Variants in MMRN1 observed in about 807,000 individuals in gnomAD.
MMRN1 encodes multimerin 1.
In MMRN1, 94 loss-of-function variants were observed where a neutral mutation model predicts 100.7. That is an observed-to-expected ratio of 0.93 (90% confidence interval 0.79 to 1.11). The LOEUF (loss-of-function observed/expected upper bound fraction) is 1.11. Among genes scored for constraint, MMRN1 ranks in the 50% least tolerant of loss-of-function variants. The pLI is 0.00. For synonymous variants in MMRN1, 575 were observed against 505.0 expected, an observed-to-expected ratio of 1.14 and a Z score of -1.86; for missense variants, 1,606 against 1,439.1, an observed-to-expected ratio of 1.12 and a Z score of -1.88.
At chr4:89,926,122 CCTTT>C (rs1289697350) in intron 4 of MMRN1, among the ~76,000 whole-genome samples, 1 of 152,056 alleles carries the variant, frequency 6.6e-6, no homozygotes, top group Admixed American at 6.6e-5. Context: ...ATACAGATTT[CCTTT>C]CTTTTGTGTG....
intron 6 of MMRN1, among the ~76,000 whole-genome samples, chr4:89,938,255 T>C (rs1722709031): frequency 1.3e-5 from 2 of 151,694 alleles, no homozygotes; most frequent in South Asian, 2.1e-4. Context: ...ATTTTACTTC[T>C]GTAGGAACAT....
At chr4:89,890,069 G>C (rs983612883), upstream of MMRN1, among the ~76,000 whole-genome samples, 2 of 151,864 alleles carry the variant, frequency 1.3e-5, no homozygotes, top group Non-Finnish European at 2.9e-5. Context: ...ACTCAGGCGA[G>C]GCTTCTTGAT....
chr4:89,945,698 T>C (rs1722966434), intron 6 of MMRN1, among the ~76,000 whole-genome samples: 1 of 152,166 alleles, frequency 6.6e-6, no homozygotes, highest in Admixed American at 6.5e-5. Flanking sequence ...TTTAATTTCC[T>C]AGGTCACAGC....
At chr4:89,926,856 C>T (rs959497000) in intron 4 of MMRN1, among the ~76,000 whole-genome samples, 1 of 152,086 alleles carries the variant, frequency 6.6e-6, no homozygotes, top group African/African-American at 2.4e-5. Flanking sequence ...TATGGACATC[C>T]AATTTCCCCA....
intron 1 of MMRN1, among the ~76,000 whole-genome samples, chr4:89,883,911 T>G (rs1252268144): frequency 6.6e-6 from 1 of 152,082 alleles, no homozygotes; most frequent in Non-Finnish European, 1.5e-5. Flanking sequence ...TCAAATTAAT[T>G]TTTGGATTTG....
chr4:89,923,296 T>C (rs1282329139), intron 4 of MMRN1, 24 bp downstream of exon 4: 1 of 1,580,252 alleles, frequency 6.3e-7, no homozygotes, highest in Non-Finnish European at 8.7e-7. Context: ...ATTACTATCA[T>C]CTCTGACCCA....
intron 4 of MMRN1, among the ~76,000 whole-genome samples, chr4:89,924,695 T>A (rs1296369414): frequency 6.6e-6 from 1 of 151,714 alleles, no homozygotes; most frequent in Non-Finnish European, 1.5e-5. Context: ...TAAAAAAAAA[T>A]TAGTCTAACG....
intron 1 of MMRN1, among the ~76,000 whole-genome samples, chr4:89,897,009 A>G (rs1402899383): frequency 6.6e-6 from 1 of 152,138 alleles, no homozygotes; most frequent in Non-Finnish European, 1.5e-5. Flanking sequence ...AATCTTTCTC[A>G]CTTTGGGGGA....
chr4:89,947,948 G>A (rs1456184761), intron 6 of MMRN1, among the ~76,000 whole-genome samples: 1 of 152,128 alleles, frequency 6.6e-6, no homozygotes, highest in Non-Finnish European at 1.5e-5. Flanking sequence ...CGCCTCCTGG[G>A]TTCAAGTAAT....
chr4:89,951,960 T>C (rs961430926), intron 7 of MMRN1, among the ~76,000 whole-genome samples: 9 of 152,202 alleles, frequency 5.9e-5, no homozygotes, highest in Non-Finnish European at 8.8e-5. Context: ...CATGCACCTG[T>C]TGAAATTTTC....
intron 6 of MMRN1, among the ~76,000 whole-genome samples, chr4:89,951,044 G>A (rs1040271357): frequency 6.6e-6 from 1 of 151,892 alleles, no homozygotes; most frequent in Non-Finnish European, 1.5e-5. Flanking sequence ...TTTCTCTTAT[G>A]GTTTCTGAGT....
At chr4:89,900,908 G>A (rs926488481) in intron 1 of MMRN1, among the ~76,000 whole-genome samples, 3 of 152,002 alleles carry the variant, frequency 2.0e-5, no homozygotes, top group Non-Finnish European at 2.9e-5. Context: ...AGTCTTAAAT[G>A]GGGTGACCAG....
intron 1 of MMRN1, among the ~76,000 whole-genome samples, chr4:89,908,420 A>G (rs1374699476): frequency 6.6e-6 from 1 of 150,688 alleles, no homozygotes; most frequent in Non-Finnish European, 1.5e-5. Flanking sequence ...TCCTTATATC[A>G]AGCTAAGATT....
In MMRN1 at chr4:89,921,020, G is replaced by T. The variant is rs184264169; in HGVS notation, c.851-2148G>T. ...TGTGTTATAATAAAAGTTAATGATA[G>T]AAAAGGAAATTCGAATAGTAATCTT... On this transcript the variant is annotated intron_variant, in intron 3 of 7. Coordinates refer to ENST00000264790, the MANE Select transcript of MMRN1 (RefSeq NM_007351.3). 1.4e-4 allele frequency among the ~76,000 whole-genome samples: 22 copies of T among 152,160 alleles called. No individual in the cohort carries two copies. In the Middle Eastern group the frequency reaches 0.01, roughly 71 times the overall value.
intron 3 of MMRN1, among the ~76,000 whole-genome samples, chr4:89,915,196 C>T (rs1721873415): frequency 6.6e-6 from 1 of 151,586 alleles, no homozygotes; most frequent in African/African-American, 2.4e-5. Flanking sequence ...AATGCATTCC[C>T]TGTAGTTTTG....
upstream of MMRN1, among the ~76,000 whole-genome samples, chr4:89,892,553 G>C (rs1226910684): frequency 6.6e-6 from 1 of 151,712 alleles, no homozygotes; most frequent in Non-Finnish European, 1.5e-5. Context: ...CTAATTAAGG[G>C]CTGATCCATA....
At chr4:89,923,322 A>G (rs1722149799) in intron 4 of MMRN1, 50 bp downstream of exon 4, 1 of 1,486,482 alleles carries the variant, frequency 6.7e-7, no homozygotes, top group Non-Finnish European at 9.4e-7. Flanking sequence ...TGTCAATGCT[A>G]TTTATTACAA....
rs1031885071 is a variant in MMRN1, at chr4:89,936,370, A to C, written c.2690A>C (p.Gln897Pro). The C allele has an allele frequency of 6.2e-7, 1 of 1,609,918 alleles. No individual in the cohort carries two copies. Among genetic ancestry groups the C allele is most frequent in the Non-Finnish European group, 8.5e-7 (1 of 1,178,878 alleles). The change falls in exon 6 of 8, where the codon CAA (glutamine) becomes CCA (proline). Residue 897 changes from glutamine (Q) to proline (P), a missense_variant. Transcript: ENST00000264790. ...GAGAGAGATCAGGCTCTTCAACTGC[A>C]AGTATTAAATTCCAGATTTAAGGCG... is the stretch of plus-strand genomic sequence containing the variant. ...TNERDQALQLQVLNSRFKALE... is the reference protein window; with the variant it reads ...TNERDQALQLPVLNSRFKALE...
intron 1 of MMRN1, among the ~76,000 whole-genome samples, chr4:89,899,693 A>G (rs190467445): frequency 2.0e-5 from 3 of 152,152 alleles, no homozygotes; most frequent in Admixed American, 1.3e-4. Context: ...ATTTTTACCA[A>G]ATCAGTGAAT....
Sources: gnomAD v4.1 joint callset for allele counts (sites outside exome capture counted in the v4.1 genomes callset) on GRCh38, gnomAD v4.1.1 for gene constraint, MANE v1.5 for transcripts, NCBI Gene and HGNC (gene_info 2026-07-23, HGNC 2026-07-21) for gene names.